The following CTDSPL variants were observed in gnomAD, a reference collection of about 807,000 sequenced individuals.
CTDSPL encodes CTD small phosphatase-like protein.
Under a neutral mutation model 30.5 loss-of-function variants are expected in CTDSPL, and 8 were observed. The ratio of observed to expected loss-of-function variants is 0.26; its 90% CI spans 0.15 to 0.47. The LOEUF (loss-of-function observed/expected upper bound fraction) is 0.47, where lower values mean the gene tolerates loss of function less well. Ranked by LOEUF, CTDSPL falls within the 20% of genes least tolerant of loss-of-function variation. The pLI is 0.99. For synonymous variants in CTDSPL, 110 were observed against 137.9 expected (o/e 0.80, Z 1.42); for missense variants, 248 against 366.1 (o/e 0.68, Z 2.63).
intron 2 of CTDSPL, among the ~76,000 whole-genome samples, chr3:37,952,493 G>A (rs1426087469): frequency 1.3e-5 from 2 of 152,236 alleles, no homozygotes; most frequent in Non-Finnish European, 2.9e-5. Context: ...AAGATAGGAA[G>A]GGGTGGCACT....
intron 6 of CTDSPL, among the ~76,000 whole-genome samples, chr3:37,973,899 A>T (rs1699395619): frequency 6.6e-6 from 1 of 152,244 alleles, no homozygotes; most frequent in Non-Finnish European, 1.5e-5. Flanking sequence ...AGGTGCTACC[A>T]CAAGTGTTCA....
chr3:37,883,015 T>A (rs954786404), intron 1 of CTDSPL, among the ~76,000 whole-genome samples: 1 of 152,244 alleles, frequency 6.6e-6, no homozygotes, highest in Non-Finnish European at 1.5e-5. Flanking sequence ...TGTAGCCAGA[T>A]AGTATGGGTG....
rs1420470768 is a variant in CTDSPL at position 37,940,476 on chromosome 3, CCTT to C, written c.80-6577_80-6575del. 1.3e-5 allele frequency among the ~76,000 whole-genome samples: 2 copies of C among 150,560 alleles called. 1 individual carries two copies. The highest frequency in any genetic ancestry group is 3.0e-5 in the Non-Finnish European group (2 of 67,152). On this transcript the variant is annotated intron_variant, in intron 1 of 7. Transcript: ENST00000273179. ...TCAGACAGTGTCGTCAGAAATCTGTCCTTCTTTGTAACCCAGCTCCTTTTTTCT... is the reference window on the plus strand; with the variant it reads ...TCAGACAGTGTCGTCAGAAATCTGTCCTTTGTAACCCAGCTCCTTTTTTCT...
At chr3:37,867,554 G>T (rs1263068254) in intron 1 of CTDSPL, among the ~76,000 whole-genome samples, 1 of 152,174 alleles carries the variant, frequency 6.6e-6, no homozygotes, top group African/African-American at 2.4e-5. Context: ...TTGAGTAAAT[G>T]TAGCATTTTA....
At chr3:37,930,150 C>G (rs1448627268) in intron 1 of CTDSPL, among the ~76,000 whole-genome samples, 1 of 150,798 alleles carries the variant, frequency 6.6e-6, no homozygotes, top group Non-Finnish European at 1.5e-5. Flanking sequence ...ATGGTGTTTA[C>G]CTTCCATGTA....
chr3:37,978,636 G>C (rs1398782800), intron 7 of CTDSPL, among the ~76,000 whole-genome samples: 1 of 152,186 alleles, frequency 6.6e-6, no homozygotes, highest in Non-Finnish European at 1.5e-5. Flanking sequence ...TTTGGATTTT[G>C]AGGCATTTCG....
intron 1 of CTDSPL, among the ~76,000 whole-genome samples, chr3:37,885,699 C>T (rs1261431974): frequency 6.6e-6 from 1 of 152,046 alleles, no homozygotes; most frequent in African/African-American, 2.4e-5. Context: ...GCAGAAGCTT[C>T]TTAGCAAAGG....
chr3:37,916,509 C>A (rs1392046300), intron 1 of CTDSPL, among the ~76,000 whole-genome samples: 1 of 152,030 alleles, frequency 6.6e-6, no homozygotes, highest in Non-Finnish European at 1.5e-5. Context: ...ATGACTGCTG[C>A]CCTTATAAGA....
chr3:37,874,365 T>C (rs1218639272), intron 1 of CTDSPL, among the ~76,000 whole-genome samples: 2 of 152,028 alleles, frequency 1.3e-5, no homozygotes, highest in African/African-American at 4.8e-5. Context: ...TGCCAGTGGG[T>C]TCACCAGGCT....
intron 1 of CTDSPL, among the ~76,000 whole-genome samples, chr3:37,945,852 ATGCACTTAGTTT>A (rs1345691482): frequency 2.6e-5 from 4 of 152,198 alleles, no homozygotes; most frequent in African/African-American, 7.2e-5. Flanking sequence ...TTCCATCTGA[ATGCACTTAGTTT>A]TGCTGCTGGC....
intron 1 of CTDSPL, among the ~76,000 whole-genome samples, chr3:37,918,836 A>G (rs1014650023): frequency 6.6e-6 from 1 of 152,128 alleles, no homozygotes; most frequent in Non-Finnish European, 1.5e-5. Context: ...CCCTGCTGAG[A>G]ACACTGTTCT....
intron 1 of CTDSPL, among the ~76,000 whole-genome samples, chr3:37,904,797 A>G (rs1014774576): frequency 2.0e-5 from 3 of 152,208 alleles, no homozygotes; most frequent in Admixed American, 1.3e-4. Context: ...CTGATCTGGG[A>G]AAGTCATTTT....
chr3:37,974,578 T>C (rs1312829056), intron 6 of CTDSPL, among the ~76,000 whole-genome samples: 1 of 152,198 alleles, frequency 6.6e-6, no homozygotes, highest in Non-Finnish European at 1.5e-5. Context: ...GCCCACTCTT[T>C]TAGGTATCTT....
chr3:37,879,711 T>C (rs1698180076), intron 1 of CTDSPL, among the ~76,000 whole-genome samples: 1 of 152,150 alleles, frequency 6.6e-6, no homozygotes, highest in Non-Finnish European at 1.5e-5. Context: ...ATGCAGCAAA[T>C]AGAGTATAAG....
chr3:37,886,651 G>A (rs77795869), intron 1 of CTDSPL, among the ~76,000 whole-genome samples: 6,223 of 152,298 alleles, frequency 0.041, 174 homozygotes, highest in Middle Eastern at 0.058. Context: ...ATCCATTAGA[G>A]CTGAGCCTAG....
chr3:37,939,721 G>GC (rs11456879), intron 1 of CTDSPL, among the ~76,000 whole-genome samples: 10,559 of 149,936 alleles, frequency 0.07, 999 homozygotes, highest in African/African-American at 0.17. Flanking sequence ...CTCACACCAG[G>GC]CCTTTTACAC....
intron 1 of CTDSPL, among the ~76,000 whole-genome samples, chr3:37,930,616 T>C (rs753008765): frequency 2.6e-5 from 4 of 152,162 alleles, no homozygotes; most frequent in Non-Finnish European, 2.9e-5. Context: ...AGATAATTAG[T>C]CTCTTCCTAA....
intron 1 of CTDSPL, among the ~76,000 whole-genome samples, chr3:37,938,712 G>T (rs1169679646): frequency 3.4e-5 from 5 of 145,344 alleles, no homozygotes; most frequent in Non-Finnish European, 6.1e-5. Context: ...ATGGAGTCTT[G>T]CTCTGTTGCC....
At chr3:37,866,835 A>G (rs894803501) in intron 1 of CTDSPL, among the ~76,000 whole-genome samples, 4 of 152,242 alleles carry the variant, frequency 2.6e-5, no homozygotes, top group Non-Finnish European at 4.4e-5. Flanking sequence ...TTTGGAAGCA[A>G]TAATTATTTC....
Sources: allele counts gnomAD v4.1 joint callset (sites outside exome capture counted in the v4.1 genomes callset), GRCh38; gene constraint gnomAD v4.1.1; transcripts MANE v1.5; gene names NCBI Gene and HGNC (gene_info 2026-07-23, HGNC 2026-07-21).